Variants in SMOC2 observed in about 807,000 individuals in gnomAD.
SMOC2 encodes SPARC related modular calcium binding 2, also known as SPARC-related modular calcium-binding protein 2.
Under a neutral mutation model 61.4 loss-of-function variants are expected in SMOC2, and 39 were observed. The observed-to-expected ratio is 0.64, with a 90% CI of 0.49 to 0.83. The LOEUF is 0.83. Ranked by LOEUF, SMOC2 falls within the 40% of genes least tolerant of loss-of-function variation. The probability of loss-of-function intolerance (pLI) is 0.00; values close to 1 mark genes in which losing one functional copy is unlikely to be tolerated. For missense variants in SMOC2, 556 were observed against 592.9 expected, an observed-to-expected ratio of 0.94 and a Z score of 0.65; for synonymous variants, 247 against 239.9, an observed-to-expected ratio of 1.03 and a Z score of -0.27.
intron 2 of SMOC2, among the ~76,000 whole-genome samples, chr6:168,512,558 A>C (rs1783033150): frequency 6.6e-6 from 1 of 152,260 alleles, no homozygotes; most frequent in Admixed American, 6.5e-5. Context: ...ACTTTAAATA[A>C]ATGAAGTGCA....
At chr6:168,564,028 T>C (rs1784486477) in intron 7 of SMOC2, among the ~76,000 whole-genome samples, 1 of 152,174 alleles carries the variant, frequency 6.6e-6, no homozygotes, top group Admixed American at 6.5e-5. Context: ...TTTAAGCAGC[T>C]TCTCAGGTAA....
rs1782049582 is a variant in SMOC2 at position 168,475,134 on chromosome 6, G to A, written c.84+33680G>A. On this transcript the variant is annotated intron_variant, in intron 1 of 12. Coordinates refer to ENST00000356284, the MANE Select transcript of SMOC2 (RefSeq NM_001166412.2). This position sits in a 1 kb window ranked among gnomAD's most constrained non-coding sequence, Gnocchi z 4.6. ...CTGGTTTCTCATTTTAGGAAACCAC[G>A]GTCTAGTGAGGAGTTTGGAATCGGG... Among the ~76,000 whole-genome samples the A allele has an allele frequency of 6.6e-6, 1 of 152,064 alleles. No homozygotes were observed. Among genetic ancestry groups the A allele is most frequent in the Admixed American group, 6.5e-5 (1 of 15,270 alleles).
chr6:168,663,608 A>T (rs1787576400), intron 11 of SMOC2, among the ~76,000 whole-genome samples: 1 of 152,202 alleles, frequency 6.6e-6, no homozygotes. Context: ...AAGTACTTAC[A>T]TAGTTACTTT....
intron 8 of SMOC2, among the ~76,000 whole-genome samples, chr6:168,601,548 T>C (rs1244594324): frequency 6.6e-6 from 1 of 152,232 alleles, no homozygotes; most frequent in Admixed American, 6.5e-5. Flanking sequence ...TACTGTTTTC[T>C]AAGAAACCGT....
intron 1 of SMOC2, among the ~76,000 whole-genome samples, chr6:168,505,774 G>A (rs1486040418): frequency 2.0e-5 from 3 of 152,184 alleles, no homozygotes; most frequent in Non-Finnish European, 4.4e-5. Flanking sequence ...GGAAGTCCAG[G>A]CTTTAAAATG....
chr6:168,587,140 A>G (rs945745814), intron 7 of SMOC2, among the ~76,000 whole-genome samples: 2 of 152,240 alleles, frequency 1.3e-5, no homozygotes, highest in Non-Finnish European at 2.9e-5. Context: ...TGCTATTGCA[A>G]TGTCTAAAAG....
chr6:168,607,389 T>G (rs927596309), intron 8 of SMOC2, among the ~76,000 whole-genome samples: 3 of 152,186 alleles, frequency 2.0e-5, no homozygotes, highest in Non-Finnish European at 2.9e-5. Context: ...ATGAGCTGTT[T>G]ACCGGATTTG....
chr6:168,489,228 T>C (rs1242664490), intron 1 of SMOC2, among the ~76,000 whole-genome samples: 3 of 147,560 alleles, frequency 2.0e-5, no homozygotes, highest in East Asian at 2.1e-4. Flanking sequence ...GTCTGGGTCC[T>C]CTTGGATCAC....
At chr6:168,609,289 C>T (rs1157939084) in intron 9 of SMOC2, among the ~76,000 whole-genome samples, 1 of 152,186 alleles carries the variant, frequency 6.6e-6, no homozygotes, top group East Asian at 1.9e-4. Flanking sequence ...TCATGGTTTC[C>T]CAGCCGTGTA....
Position 168,558,200 on chromosome 6 carries a change from T to C in SMOC2, c.637+8997T>C, listed in dbSNP as rs1385507970. Among the ~76,000 whole-genome samples, 3 of 152,218 alleles carry C rather than the reference T, an allele frequency of 2.0e-5. No homozygotes were observed. In the East Asian group the frequency reaches 5.8e-4, roughly 29 times the overall value. ...CAGGAGAGCGGCTGTGTCTCCACCC[T>C]GAACCTGCAGGCAGAGCCGCAACCT... On this transcript the variant is annotated intron_variant, in intron 7 of 12. Coordinates refer to ENST00000356284, the MANE Select transcript of SMOC2 (RefSeq NM_001166412.2).
At chr6:168,570,940 G>T (rs1784649970) in intron 7 of SMOC2, among the ~76,000 whole-genome samples, 1 of 152,018 alleles carries the variant, frequency 6.6e-6, no homozygotes, top group Admixed American at 6.5e-5. Context: ...TCTTTTCCAA[G>T]AGCACATAAC....
chr6:168,459,003 A>T (rs1781656440), intron 1 of SMOC2, among the ~76,000 whole-genome samples: 1 of 152,210 alleles, frequency 6.6e-6, no homozygotes, highest in African/African-American at 2.4e-5. Flanking sequence ...CATAATTATG[A>T]ATAATGCTTA....
chr6:168,466,415 C>T (rs9364255), intron 1 of SMOC2, among the ~76,000 whole-genome samples: 6,311 of 152,218 alleles, frequency 0.041, 515 homozygotes, highest in East Asian at 0.3. Context: ...GCTCTCGTGC[C>T]CTGCTCCAGG....
chr6:168,464,679 GC>G (rs1374113776), intron 1 of SMOC2, among the ~76,000 whole-genome samples: 5 of 152,156 alleles, frequency 3.3e-5, no homozygotes, highest in African/African-American at 1.2e-4. Context: ...CATATCATGT[GC>G]CACAGCCTTT....
intron 9 of SMOC2, among the ~76,000 whole-genome samples, chr6:168,629,875 G>T (rs879228075): frequency 6.6e-6 from 1 of 152,140 alleles, no homozygotes; most frequent in Non-Finnish European, 1.5e-5. Flanking sequence ...AAGCTGACTT[G>T]GTAAATCCTT....
intron 9 of SMOC2, among the ~76,000 whole-genome samples, chr6:168,648,461 G>A (rs1173179253): frequency 6.6e-6 from 1 of 152,210 alleles, no homozygotes; most frequent in Non-Finnish European, 1.5e-5. Context: ...CCTGCAGCTG[G>A]GGAGCTCAGC....
intron 8 of SMOC2, among the ~76,000 whole-genome samples, chr6:168,599,573 C>G (rs1243222744): frequency 2.9e-4 from 1 of 3,422 alleles, no homozygotes; most frequent in Non-Finnish European, 7.0e-4. Flanking sequence ...CACACCCACA[C>G]TCATACCACA....
intron 4 of SMOC2, among the ~76,000 whole-genome samples, chr6:168,532,229 T>G (rs78758747): frequency 6.6e-6 from 1 of 152,138 alleles, no homozygotes; most frequent in South Asian, 2.1e-4. Flanking sequence ...TGTAGATGGC[T>G]TTATGCTCAG....
At chr6:168,498,592 C>T (rs1023785251) in intron 1 of SMOC2, among the ~76,000 whole-genome samples, 2 of 152,272 alleles carry the variant, frequency 1.3e-5, no homozygotes, top group South Asian at 2.1e-4. Context: ...TTCTGATCGC[C>T]CTTCCTGCTG....
Sources: gnomAD v4.1 joint callset for allele counts (sites outside exome capture counted in the v4.1 genomes callset) on GRCh38, gnomAD v4.1.1 for gene constraint, Gnocchi (gnomAD v3.1) non-coding constraint, MANE v1.5 for transcripts, NCBI Gene and HGNC (gene_info 2026-07-23, HGNC 2026-07-21) for gene names.